PPM1B: variants seen among roughly 807,000 people sequenced by gnomAD.
PPM1B encodes protein phosphatase, Mg2+/Mn2+ dependent 1B, also known as protein phosphatase 1B.
Under a neutral mutation model 43.0 loss-of-function variants are expected in PPM1B, and 22 were observed. The ratio of observed to expected loss-of-function variants is 0.51; its 90% CI spans 0.37 to 0.73. The LOEUF (loss-of-function observed/expected upper bound fraction) is 0.73. Among genes scored for constraint, PPM1B ranks in the 30% least tolerant of loss-of-function variants. The probability of loss-of-function intolerance (pLI) is 0.00; values close to 1 mark genes in which losing one functional copy is unlikely to be tolerated. For missense variants in PPM1B, 632 were observed against 584.2 expected, an observed-to-expected ratio of 1.08 and a Z score of -0.84; for synonymous variants, 217 against 197.9, an observed-to-expected ratio of 1.10 and a Z score of -0.81.
At chr2:44,216,678 A>C (rs1669733571) in intron 3 of PPM1B, among the ~76,000 whole-genome samples, 1 of 152,210 alleles carries the variant, frequency 6.6e-6, no homozygotes, top group African/African-American at 2.4e-5. Context: ...CTCTAATCCC[A>C]GCATTTTGAG....
chr2:44,239,668 T>C (rs1670703786), intron 5 of PPM1B, among the ~76,000 whole-genome samples: 1 of 152,228 alleles, frequency 6.6e-6, no homozygotes, highest in Non-Finnish European at 1.5e-5. Context: ...GGATCTCTAA[T>C]GTTACCTTCC....
intron 1 of PPM1B, among the ~76,000 whole-genome samples, chr2:44,170,264 G>T (rs1331915611): frequency 6.6e-6 from 1 of 152,164 alleles, no homozygotes; most frequent in Admixed American, 6.5e-5. Context: ...TTTTTAAAAA[G>T]AGACGTTAAT....
chr2:44,206,960 C>G (rs1190400686), intron 2 of PPM1B, among the ~76,000 whole-genome samples: 2 of 152,208 alleles, frequency 1.3e-5, no homozygotes, highest in South Asian at 2.1e-4. Context: ...ATTCATATAA[C>G]CAAACACATA....
At chr2:44,238,719 A>G (rs1420861680), downstream of PPM1B, among the ~76,000 whole-genome samples, 1 of 151,994 alleles carries the variant, frequency 6.6e-6, no homozygotes, top group East Asian at 1.9e-4. Flanking sequence ...GGAAAAAAAA[A>G]AACATTTTAG....
chr2:44,175,485 A>G (rs1200641822), intron 1 of PPM1B, among the ~76,000 whole-genome samples: 1 of 152,196 alleles, frequency 6.6e-6, no homozygotes, highest in Admixed American at 6.5e-5. Flanking sequence ...CCCCCATTTC[A>G]TGCCAGTATC....
chr2:44,231,032 G>A lies in PPM1B; in HGVS notation c.*314G>A. The A allele has an allele frequency of 1.1e-6, 1 of 950,004 alleles. No individual in the cohort carries two copies. The allele number at this position is 950,004 out of a possible 1,614,324, so 58.8% of individuals were successfully genotyped here. ...TAGAATTAGAAATTTTGATTAGAGA[G>A]ATTATGCTATATTATGGAAAAACTT... On this transcript the variant is annotated 3_prime_UTR_variant, in exon 6 of 6. Transcript: ENST00000282412.
intron 3 of PPM1B, 33 bp downstream of exon 3, chr2:44,209,360 G>A (rs762914023): frequency 1.2e-6 from 2 of 1,610,332 alleles, no homozygotes; most frequent in South Asian, 1.1e-5. Flanking sequence ...ATATAGACAG[G>A]CCAGGCACGG....
At chr2:44,178,597 T>C (rs1238749834) in intron 1 of PPM1B, among the ~76,000 whole-genome samples, 1 of 151,932 alleles carries the variant, frequency 6.6e-6, no homozygotes, top group Non-Finnish European at 1.5e-5. Flanking sequence ...CCTCCTGAAG[T>C]AGCTGGGATT....
In PPM1B at chr2:44,218,065, G is replaced by A. The variant is rs778979389; in HGVS notation, c.1063G>A (p.Gly355Ser). The change falls in exon 4 of 6, where the codon GGT (glycine) becomes AGT (serine). Residue 355 changes from glycine to serine, a missense_variant. Physicochemically the swap from Gly to Ser is moderately conservative, Grantham distance 56. Around this residue, in one of 3 missense-constraint regions of PPM1B, gnomAD observed 392 missense variants for 302.7 expected, o/e 1.29. Coordinates refer to ENST00000282412, the MANE Select transcript of PPM1B (RefSeq NM_002706.6). ...TATCCCAAATTTGCCTCCTGGGGGAGGTCTTGCTGGCAAGTAAGTAGAACA... is the reference window on the plus strand; with the variant it reads ...TATCCCAAATTTGCCTCCTGGGGGAAGTCTTGCTGGCAAGTAAGTAGAACA... ...ENIPNLPPGG[G>S]LAGKRNVIEA... 3 of 1,611,258 alleles carry A rather than the reference G, an allele frequency of 1.9e-6. No individual in the cohort carries two copies. Among genetic ancestry groups the A allele is most frequent in the Non-Finnish European group, 2.5e-6 (3 of 1,178,434 alleles).
intron 1 of PPM1B, among the ~76,000 whole-genome samples, chr2:44,191,503 C>T (rs779820187): frequency 3.9e-5 from 6 of 152,166 alleles, no homozygotes; most frequent in Non-Finnish European, 7.3e-5. Context: ...CGTGAGCCAC[C>T]GCTCCCAGCT....
At chr2:44,194,990 C>A (rs999989751) in intron 1 of PPM1B, among the ~76,000 whole-genome samples, 1 of 147,822 alleles carries the variant, frequency 6.8e-6, no homozygotes, top group African/African-American at 2.5e-5. Context: ...CTCTCAGGTT[C>A]AAGTGATCTT....
chr2:44,228,959 G>C (rs922340856), intron 5 of PPM1B, among the ~76,000 whole-genome samples: 10 of 152,134 alleles, frequency 6.6e-5, no homozygotes, highest in Non-Finnish European at 1.3e-4. Context: ...GATGCAGGCA[G>C]ATCACCTGAG....
chr2:44,203,422 G>A (rs1669028712), intron 2 of PPM1B, among the ~76,000 whole-genome samples: 1 of 151,962 alleles, frequency 6.6e-6, no homozygotes, highest in Admixed American at 6.6e-5. Context: ...ACAAGCATAG[G>A]CATATGTTTG....
chr2:44,212,944 T>C (rs1572732872), intron 3 of PPM1B, among the ~76,000 whole-genome samples: 1 of 143,264 alleles, frequency 7.0e-6, no homozygotes, highest in Non-Finnish European at 1.5e-5. Context: ...ACCTGGGAGG[T>C]GGAGCTTGCA....
chr2:44,216,902 C>CA (rs34344485), intron 3 of PPM1B, among the ~76,000 whole-genome samples: 82,574 of 139,952 alleles, frequency 0.59, 23,951 homozygotes, highest in Admixed American at 0.67. Flanking sequence ...TCCAGTGTCT[C>CA]AAAAAAAAAA....
In PPM1B at chr2:44,179,259, C is replaced by T. The variant is rs548146659; in HGVS notation, c.-15+9985C>T. Reference sequence around the variant, plus strand: ...ACATAGAACTGAAAGTCCATTAAACCTCTCTTTCTTTTGTAAATTGCACAG... The same window carrying T: ...ACATAGAACTGAAAGTCCATTAAACTTCTCTTTCTTTTGTAAATTGCACAG... On this transcript the variant is annotated intron_variant, in intron 1 of 5. Coordinates refer to ENST00000282412, the MANE Select transcript of PPM1B (RefSeq NM_002706.6). 3.9e-5 allele frequency among the ~76,000 whole-genome samples: 6 copies of T among 152,354 alleles called. No individual in the cohort carries two copies. In the East Asian group the frequency reaches 9.6e-4, roughly 24 times the overall value.
chr2:44,230,262 C>A (rs557101336), intron 5 of PPM1B, 151 bp from the exon 6 acceptor site: 31 of 1,448,840 alleles, frequency 2.1e-5, no homozygotes, highest in Non-Finnish European at 2.7e-5. Context: ...TTAATTGATA[C>A]AGGTAAGAAT....
At chr2:44,216,780 C>G (rs1219314220) in intron 3 of PPM1B, among the ~76,000 whole-genome samples, 2 of 151,876 alleles carry the variant, frequency 1.3e-5, no homozygotes, top group East Asian at 1.9e-4. Context: ...CAAAAATTAG[C>G]TGGGTGTGGT....
downstream of PPM1B, chr2:44,234,556 G>C: frequency 1.0e-6 from 1 of 985,156 alleles, no homozygotes; most frequent in Non-Finnish European, 1.2e-6. Context: ...TTTTCCGGCA[G>C]GGGGCAGGGT....
Sources: allele counts gnomAD v4.1 joint callset (sites outside exome capture counted in the v4.1 genomes callset), GRCh38; gene constraint gnomAD v4.1.1; regional missense constraint gnomAD v4.1.1; transcripts MANE v1.5; gene names NCBI Gene and HGNC (gene_info 2026-07-23, HGNC 2026-07-21).